Variants in APCDD1 observed in about 807,000 individuals in gnomAD.
APCDD1 encodes the protein APC down-regulated 1, also known as protein APCDD1.
In APCDD1, 15 loss-of-function variants were observed where a neutral mutation model predicts 38.1. The observed-to-expected ratio is 0.39, with a 90% CI of 0.26 to 0.61. APCDD1 has a LOEUF of 0.61. Ranked by LOEUF, APCDD1 falls within the 20% of genes least tolerant of loss-of-function variation. The probability of loss-of-function intolerance (pLI) is 0.49; values close to 1 mark genes in which losing one functional copy is unlikely to be tolerated. For synonymous variants in APCDD1, 261 were observed against 279.7 expected (o/e 0.93, Z 0.67); for missense variants, 647 against 696.2 (o/e 0.93, Z 0.79).
At chr18:10,479,953 A>G (rs959100317) in intron 3 of APCDD1, among the ~76,000 whole-genome samples, 6 of 152,154 alleles carry the variant, frequency 3.9e-5, no homozygotes, top group African/African-American at 1.4e-4. Context: ...TTTTTTCCAG[A>G]GATTATTTGC....
rs145282197 is a variant in APCDD1, at chr18:10,489,302, C to A, written c.*1264C>A. 6.6e-6 allele frequency: 1 copy of A among 152,204 alleles called. No individual in the cohort carries two copies. The highest frequency in any genetic ancestry group is 1.5e-5 in the Non-Finnish European group (1 of 68,040). The allele number at this position is 152,204 out of a possible 1,614,324, so 9.4% of individuals were successfully genotyped here. A position where few individuals can be genotyped will look rare whatever the true frequency, so the allele number is the denominator to read the frequency against. On this transcript the variant is annotated 3_prime_UTR_variant, in exon 5 of 5. Transcript: ENST00000355285. ...TGATGCTATACGATACCAAGTGTTA[C>A]CGCTCACAGAGACTGGGAAAGGGAA...
At chr18:10,458,832 G>T (rs2143506528) in intron 1 of APCDD1, among the ~76,000 whole-genome samples, 1 of 152,290 alleles carries the variant, frequency 6.6e-6, no homozygotes, top group African/African-American at 2.4e-5. Context: ...GTCTTCAGTA[G>T]ACTCTTCCCC....
intron 1 of APCDD1, among the ~76,000 whole-genome samples, chr18:10,465,339 T>C (rs1351489960): frequency 6.6e-6 from 1 of 152,180 alleles, no homozygotes; most frequent in Non-Finnish European, 1.5e-5. Context: ...GGAGATTCAT[T>C]GCAAATAGGC....
At chr18:10,458,538 A>C (rs1323131520) in intron 1 of APCDD1, among the ~76,000 whole-genome samples, 1 of 152,208 alleles carries the variant, frequency 6.6e-6, no homozygotes, top group African/African-American at 2.4e-5. Context: ...ACCTGTACCC[A>C]ACAGGGGCAA....
intron 1 of APCDD1, among the ~76,000 whole-genome samples, chr18:10,461,055 T>C (rs2030528056): frequency 6.6e-6 from 1 of 151,962 alleles, no homozygotes; most frequent in African/African-American, 2.4e-5. Flanking sequence ...TTGGGAATTT[T>C]CACTCTCTGG....
chr18:10,477,397 C>CT (rs2031027676), intron 3 of APCDD1: 4 of 152,212 alleles, frequency 2.6e-5, no homozygotes, highest in Admixed American at 6.5e-5. Flanking sequence ...GAAGGGGTTG[C>CT]TTTTGTGGAC....
At position 10,470,407 on chromosome 18, in the gene APCDD1, C is replaced by T. The variant is rs1208718071; in HGVS notation, c.243-1123C>T. 6.6e-6 allele frequency among the ~76,000 whole-genome samples: 1 copy of T among 152,182 alleles called. No homozygotes were observed. The highest frequency in any genetic ancestry group is 6.5e-5 in the Admixed American group (1 of 15,286). On this transcript the variant is annotated intron_variant, in intron 2 of 4. Transcript: ENST00000355285. This position sits in a 1 kb window ranked among gnomAD's most constrained non-coding sequence, Gnocchi z 4.1. ...TTTATGTCCATAGGATGTTACTCGACATCAGTTGTCAAACGTTACATAGCA... is the reference window on the plus strand; with the variant it reads ...TTTATGTCCATAGGATGTTACTCGATATCAGTTGTCAAACGTTACATAGCA...
chr18:10,460,312 G>T (rs931660605), intron 1 of APCDD1, among the ~76,000 whole-genome samples: 53 of 152,276 alleles, frequency 3.5e-4, no homozygotes, highest in Non-Finnish European at 7.1e-4. Flanking sequence ...GATCACCTGC[G>T]GTCAGGAGTT....
intron 4 of APCDD1, among the ~76,000 whole-genome samples, chr18:10,486,187 A>T (rs919513808): frequency 1.3e-5 from 2 of 152,172 alleles, no homozygotes; most frequent in African/African-American, 4.8e-5. Flanking sequence ...CCCTAACTCT[A>T]TAAAAAAATA....
chr18:10,487,876 G>T lies in APCDD1; in HGVS notation c.1383G>T (p.Met461Ile), dbSNP rs2143568513. 6.2e-7 allele frequency: 1 copy of T among 1,613,740 alleles called. No individual in the cohort carries two copies. The highest frequency in any genetic ancestry group is 2.2e-5 in the East Asian group (1 of 44,878). Residue 461 changes from methionine (M) to isoleucine (I), a missense_variant, in exon 5 of 5, where the codon ATG (methionine) becomes ATT (isoleucine). Transcript: ENST00000355285. ...RPEKRATSYQMPLVQCASSSP... is the reference protein window; with the variant it reads ...RPEKRATSYQIPLVQCASSSP... ...AGAAGAGAGCCACGTCCTACCAGAT[G>T]CCCTTGGTCCAGTGTGCCTCCTCTT...
Position 10,454,989 on chromosome 18 carries a change from G to C in APCDD1, c.8G>C (p.Trp3Ser). Residue 3 changes from tryptophan to serine, a missense_variant, in exon 1 of 5, where the codon TGG becomes TCG. Physicochemically the swap from Trp to Ser is radical, Grantham distance 177. Transcript: ENST00000355285. MSWPRRLLLRYLF... is the reference protein window; with the variant it reads MSSPRRLLLRYLF... ...CCCAGAGCAGGACTGGAAATGTCCT[G>C]GCCGCGCCGCCTCCTGCTCAGATAC... is the stretch of plus-strand genomic sequence containing the variant. 6.4e-7 allele frequency: 1 copy of C among 1,553,488 alleles called. No homozygotes were observed. The highest frequency in any genetic ancestry group is 1.4e-5 in the African/African-American group (1 of 72,792).
At chr18:10,480,717 A>T (rs1299208057) in intron 3 of APCDD1, among the ~76,000 whole-genome samples, 3 of 151,354 alleles carry the variant, frequency 2.0e-5, no homozygotes, top group Non-Finnish European at 2.9e-5. Context: ...CAAAAAAAAA[A>T]TTTATCCAGT....
At position 10,488,852 on chromosome 18, in the gene APCDD1, CG is replaced by C. The variant is rs2031311435; in HGVS notation, c.*817del. On this transcript the variant is annotated 3_prime_UTR_variant, in exon 5 of 5. Transcript: ENST00000355285. ...ATCCTGTTACACAGGAGCAGTGACA[CG>C]GGTGGCTGCAGTGTGGTACATGCCA... is the stretch of plus-strand genomic sequence containing the variant. The C allele has an allele frequency of 6.6e-6, 1 of 151,978 alleles. No individual in the cohort carries two copies. The highest frequency in any genetic ancestry group is 1.5e-5 in the Non-Finnish European group (1 of 68,042). The allele number at this position is 151,978 out of a possible 1,614,324, so 9.4% of individuals were successfully genotyped here.
At chr18:10,462,887 C>G (rs1342538254) in intron 1 of APCDD1, among the ~76,000 whole-genome samples, 2 of 151,204 alleles carry the variant, frequency 1.3e-5, no homozygotes, top group Non-Finnish European at 2.9e-5. Flanking sequence ...CATCGATCTT[C>G]CTGCTTTCAA....
Position 10,472,567 on chromosome 18 carries a change from A to G in APCDD1, c.774+506A>G, listed in dbSNP as rs2030888829. Among the ~76,000 whole-genome samples, 2 of 152,122 alleles carry G rather than the reference A, an allele frequency of 1.3e-5. No homozygotes were observed. Among genetic ancestry groups the G allele is most frequent in the African/African-American group, 4.8e-5 (2 of 41,432 alleles). On this transcript the variant is annotated intron_variant, in intron 3 of 4. Transcript: ENST00000355285. This position sits in a 1 kb window ranked among gnomAD's most constrained non-coding sequence, Gnocchi z 6.6. ...ACTGTCCACCAGAGTCACCCTGGTG[A>G]GTCCCGACACTCTTAGGCAGAACAG...
chr18:10,457,926 G>C (rs2030423771), intron 1 of APCDD1, among the ~76,000 whole-genome samples: 1 of 152,216 alleles, frequency 6.6e-6, no homozygotes, highest in Admixed American at 6.5e-5. Context: ...ATACATGTCA[G>C]TTTTACTTTC....
At chr18:10,474,432 G>A (rs1223827209) in intron 3 of APCDD1, among the ~76,000 whole-genome samples, 4 of 148,868 alleles carry the variant, frequency 2.7e-5, no homozygotes, top group Non-Finnish European at 5.9e-5. Context: ...ACACCAAAAA[G>A]CACGGGGAGC....
chr18:10,455,455 T>C (rs1227447977), intron 1 of APCDD1, among the ~76,000 whole-genome samples: 1 of 152,198 alleles, frequency 6.6e-6, no homozygotes. Context: ...AGGCTCTTGA[T>C]GTGTTCCAAG....
chr18:10,456,010 T>C (rs765515269), intron 1 of APCDD1, among the ~76,000 whole-genome samples: 15 of 152,196 alleles, frequency 9.9e-5, no homozygotes, highest in Non-Finnish European at 1.5e-4. Context: ...CCCAAACCTG[T>C]AGCGGGCTCC....
Sources: allele counts gnomAD v4.1 joint callset (sites outside exome capture counted in the v4.1 genomes callset), GRCh38; gene constraint gnomAD v4.1.1; non-coding constraint Gnocchi (gnomAD v3.1); transcripts MANE v1.5; gene names NCBI Gene and HGNC (gene_info 2026-07-23, HGNC 2026-07-21).